AMZ2: variants seen among roughly 807,000 people sequenced by gnomAD.
The protein encoded by AMZ2 is archaemetzincin-2.
AMZ2 carries 26 observed loss-of-function variants against 36.7 expected under a neutral mutation model. The ratio of observed to expected loss-of-function variants is 0.71; its 90% CI spans 0.52 to 0.98. The LOEUF is 0.98. Ranked by LOEUF, AMZ2 falls within the 50% of genes least tolerant of loss-of-function variation. The pLI is 0.00. For synonymous variants in AMZ2, 144 were observed against 149.1 expected (o/e 0.97, Z 0.25); for missense variants, 394 against 430.5 (o/e 0.92, Z 0.75).
rs1555725964 is a variant in AMZ2 at position 68,211,707 on chromosome 17, T to A, written c.-67+5469T>A. ...ATGTATATGTATATATATGTATATA[T>A]GTATATGTATATATATGTATATGTA... On this transcript the variant is annotated intron_variant, in intron 1 of 7. Coordinates refer to the AMZ2 transcript ENST00000674770. Among the ~76,000 whole-genome samples, 3 of 130,504 alleles carry A rather than the reference T, an allele frequency of 2.3e-5. No individual in the cohort carries two copies. The East Asian group carries it at 5.9e-4, about 25-fold the overall frequency. 85.6% of individuals were successfully genotyped at this position (130,504 alleles called of 152,430 possible).
chr17:68,209,632 A>ATGTATATATATTTT, intron 1 of AMZ2, among the ~76,000 whole-genome samples: 1 of 90,700 alleles, frequency 1.1e-5, no homozygotes, highest in Non-Finnish European at 2.0e-5. Flanking sequence ...ATATATATAT[A>ATGTATATATATTTT]TTTTTTTTTT....
chr17:68,231,046 TTTTTA>T (rs1555731123), intron 1 of AMZ2, among the ~76,000 whole-genome samples: 1 of 151,888 alleles, frequency 6.6e-6, no homozygotes, highest in Non-Finnish European at 1.5e-5. Context: ...TTTTATTATT[TTTTTA>T]TTTTAATTTT....
chr17:68,224,758 G>A (rs2073468506), intron 1 of AMZ2, among the ~76,000 whole-genome samples: 1 of 151,826 alleles, frequency 6.6e-6, no homozygotes, highest in Admixed American at 6.6e-5. Flanking sequence ...CCGGGCTGAG[G>A]GGCAGCTATT....
chr17:68,246,416 A>G (rs1203271230), upstream of AMZ2, among the ~76,000 whole-genome samples: 1 of 152,090 alleles, frequency 6.6e-6, no homozygotes. Flanking sequence ...CCGTTTTACA[A>G]AAGAGGTCAA....
At chr17:68,232,036 A>G (rs1489296809) in intron 1 of AMZ2, among the ~76,000 whole-genome samples, 1 of 151,438 alleles carries the variant, frequency 6.6e-6, no homozygotes, top group Non-Finnish European at 1.5e-5. Flanking sequence ...GAAGAAATAT[A>G]AAGTTCTAAT....
At chr17:68,254,638 C>A in intron 5 of AMZ2, 71 bp downstream of exon 5, 2 of 1,321,800 alleles carry the variant, frequency 1.5e-6, no homozygotes, top group Non-Finnish European at 1.1e-6. Flanking sequence ...TGTATATTGT[C>A]AGTCCGTAAG....
At chr17:68,236,050 G>A (rs1555732465) in intron 1 of AMZ2, among the ~76,000 whole-genome samples, 2 of 151,654 alleles carry the variant, frequency 1.3e-5, no homozygotes, top group African/African-American at 2.4e-5. Flanking sequence ...GGCTGGTCTC[G>A]AACTCCTAAC....
At chr17:68,230,415 C>T (rs146464619) in intron 1 of AMZ2, among the ~76,000 whole-genome samples, 1 of 152,330 alleles carries the variant, frequency 6.6e-6, no homozygotes, top group East Asian at 1.9e-4. Context: ...GTGAGCCCCT[C>T]CATGCGTGCC....
chr17:68,207,318 C>CCCG (rs1463861838), intron 1 of AMZ2: 2 of 138,618 alleles, frequency 1.4e-5, no homozygotes, highest in African/African-American at 5.3e-5. Flanking sequence ...TAAATACCCC[C>CCCG]CCCCCACAAA....
chr17:68,245,419 T>G (rs558170641), upstream of AMZ2, among the ~76,000 whole-genome samples: 1 of 151,684 alleles, frequency 6.6e-6, no homozygotes, highest in South Asian at 2.1e-4. Context: ...TTTTCTTTTT[T>G]CTTTTTTTTT....
intron 4 of AMZ2, 117 bp downstream of exon 4, chr17:68,251,295 T>C: frequency 1.0e-6 from 1 of 968,534 alleles, no homozygotes. Flanking sequence ...ATATTTTCAG[T>C]TGAGACATTA....
intron 1 of AMZ2, among the ~76,000 whole-genome samples, chr17:68,234,058 T>A (rs1417430202): frequency 1.3e-5 from 2 of 152,130 alleles, no homozygotes; most frequent in Admixed American, 6.6e-5. Context: ...GCATTCGGGC[T>A]CGGTGGCTCA....
At chr17:68,248,779 T>C (rs1287044910) in intron 1 of AMZ2, 74 bp downstream of exon 1, 2 of 994,194 alleles carry the variant, frequency 2.0e-6, no homozygotes, top group Non-Finnish European at 2.4e-6. Flanking sequence ...CCCAGTTGTG[T>C]AGGAGTGAGG....
rs1555743384 is a variant in AMZ2 at position 68,257,055 on chromosome 17, A to G, written c.*86A>G. The G allele has an allele frequency of 7.1e-7, 1 of 1,411,782 alleles. No individual in the cohort carries two copies. Among genetic ancestry groups the G allele is most frequent in the Non-Finnish European group, 9.7e-7 (1 of 1,029,336 alleles). 87.5% of individuals were successfully genotyped at this position (1,411,782 alleles called of 1,614,324 possible). ...GTGGAATACTTCATTGGAATAAACT[A>G]CTGATCTTGTGCTGTGTCAAAGTAA... On this transcript the variant is annotated 3_prime_UTR_variant, in exon 7 of 7. Transcript: ENST00000359904.
chr17:68,213,998 A>G (rs1555726660), intron 1 of AMZ2, among the ~76,000 whole-genome samples: 4 of 150,058 alleles, frequency 2.7e-5, no homozygotes, highest in African/African-American at 9.8e-5. Context: ...TCCTGGATAT[A>G]GTATTTTCTC....
At chr17:68,239,128 T>C (rs2073851513) in intron 1 of AMZ2, among the ~76,000 whole-genome samples, 1 of 152,232 alleles carries the variant, frequency 6.6e-6, no homozygotes, top group Non-Finnish European at 1.5e-5. Flanking sequence ...GCAGGTTCTC[T>C]GCAGTGCAGG....
Position 68,248,558 on chromosome 17 carries a change from G to T in AMZ2, c.-148G>T. On this transcript the variant is annotated 5_prime_UTR_variant, in exon 1 of 7. Transcript: ENST00000359904. Reference sequence around the variant, plus strand: ...CCCGCAGCTTCCCTAGATTAGGCTTGGGAGGCAAGAGGAGGCCTCCTGACC... The same window carrying T: ...CCCGCAGCTTCCCTAGATTAGGCTTTGGAGGCAAGAGGAGGCCTCCTGACC... The T allele has an allele frequency of 1.0e-6, 1 of 986,070 alleles. No homozygotes were observed. The highest frequency in any genetic ancestry group is 1.2e-6 in the Non-Finnish European group (1 of 830,064). The allele number at this position is 986,070 out of a possible 1,614,324, so 61.1% of individuals were successfully genotyped here.
intron 1 of AMZ2, among the ~76,000 whole-genome samples, chr17:68,242,830 G>A (rs1458804931): frequency 8.6e-5 from 13 of 151,568 alleles, no homozygotes; most frequent in African/African-American, 3.1e-4. Flanking sequence ...GAGCCCAGGA[G>A]TTCAAAACCA....
chr17:68,245,289 T>C (rs2073978850), upstream of AMZ2, among the ~76,000 whole-genome samples: 1 of 151,920 alleles, frequency 6.6e-6, no homozygotes, highest in Non-Finnish European at 1.5e-5. Flanking sequence ...TTGCCCAGGC[T>C]GAAGTGCTGT....
Sources: allele counts gnomAD v4.1 joint callset (sites outside exome capture counted in the v4.1 genomes callset), GRCh38; gene constraint gnomAD v4.1.1; transcripts MANE v1.5; gene names NCBI Gene and HGNC (gene_info 2026-07-23, HGNC 2026-07-21).